The following TOM1L2 variants were observed in gnomAD, a reference collection of about 807,000 sequenced individuals.
The protein encoded by TOM1L2 is TOM1-like protein 2.
In TOM1L2, 31 loss-of-function variants were observed where a neutral mutation model predicts 67.9. That is an observed-to-expected ratio of 0.46 (90% CI 0.34 to 0.62). The LOEUF (loss-of-function observed/expected upper bound fraction) is 0.62. Ranked by LOEUF, TOM1L2 falls within the 20% of genes least tolerant of loss-of-function variation. The probability of loss-of-function intolerance (pLI) is 0.01; values close to 1 mark genes in which losing one functional copy is unlikely to be tolerated. For synonymous variants in TOM1L2, 256 were observed against 254.0 expected (o/e 1.01, Z -0.07); for missense variants, 606 against 663.5 (o/e 0.91, Z 0.95).
intron 1 of TOM1L2, among the ~76,000 whole-genome samples, chr17:17,943,110 T>C (rs776443471): frequency 2.0e-5 from 3 of 152,172 alleles, no homozygotes; most frequent in Non-Finnish European, 2.9e-5. Flanking sequence ...CATTACACTG[T>C]TCTCCCAATT....
chr17:17,889,495 T>C (rs897860724), intron 4 of TOM1L2, among the ~76,000 whole-genome samples: 4 of 152,164 alleles, frequency 2.6e-5, no homozygotes, highest in Non-Finnish European at 5.9e-5. Flanking sequence ...GCTGCAGCTC[T>C]GCTTCCACCA....
At chr17:17,885,607 G>A (rs545099314) in intron 4 of TOM1L2, among the ~76,000 whole-genome samples, 1 of 152,146 alleles carries the variant, frequency 6.6e-6, no homozygotes, top group South Asian at 2.1e-4. Context: ...CATTTCTGTT[G>A]ACTCATGAAA....
chr17:17,972,122 G>T, intron 1 of TOM1L2, 140 bp downstream of exon 1: 1 of 1,058,502 alleles, frequency 9.4e-7, no homozygotes, highest in Non-Finnish European at 1.3e-6. Flanking sequence ...TGCCCAGCCC[G>T]CTCGTGGAGT....
At chr17:17,862,962 G>T in intron 10 of TOM1L2, 114 bp from the exon 11 acceptor site, 1 of 650,570 alleles carries the variant, frequency 1.5e-6, no homozygotes, top group Non-Finnish European at 2.7e-6. Context: ...CATGGGGAGG[G>T]TGGGGCGGGA....
intron 1 of TOM1L2, among the ~76,000 whole-genome samples, chr17:17,914,905 A>G (rs916787924): frequency 6.6e-5 from 10 of 152,230 alleles, no homozygotes; most frequent in African/African-American, 2.2e-4. Flanking sequence ...AAGAGCAGTA[A>G]ATAAAACAAT....
chr17:17,881,279 C>A (rs750938085), intron 6 of TOM1L2, among the ~76,000 whole-genome samples: 8 of 152,108 alleles, frequency 5.3e-5, no homozygotes, highest in Non-Finnish European at 8.8e-5. Context: ...GGGCAGCCAC[C>A]CAGTAGACTC....
chr17:17,957,836 T>C (rs946470160), intron 1 of TOM1L2, among the ~76,000 whole-genome samples: 7 of 151,932 alleles, frequency 4.6e-5, no homozygotes, highest in African/African-American at 1.4e-4. Context: ...GCGTGGTGGC[T>C]CACGACTGTA....
chr17:17,953,900 G>A (rs962777267), intron 1 of TOM1L2, among the ~76,000 whole-genome samples: 1 of 152,238 alleles, frequency 6.6e-6, no homozygotes, highest in African/African-American at 2.4e-5. Flanking sequence ...CTTCTTCCAA[G>A]TCACACAAGG....
intron 1 of TOM1L2, among the ~76,000 whole-genome samples, chr17:17,928,071 A>G (rs2040169565): frequency 6.6e-6 from 1 of 152,216 alleles, no homozygotes; most frequent in Admixed American, 6.5e-5. Flanking sequence ...CCATGAATTG[A>G]TAATTGTAGA....
intron 1 of TOM1L2, among the ~76,000 whole-genome samples, chr17:17,944,264 AGGATGCTGAGCAAAG>A (rs958894366): frequency 2.0e-4 from 30 of 152,388 alleles, no homozygotes; most frequent in Non-Finnish European, 3.4e-4. Flanking sequence ...TGAGGACGGC[AGGATGCTGAGCAAAG>A]GGATGCTGAG....
chr17:17,944,331 C>T (rs1240197754), intron 1 of TOM1L2, among the ~76,000 whole-genome samples: 5 of 152,216 alleles, frequency 3.3e-5, no homozygotes, highest in East Asian at 3.8e-4. Context: ...AGCCTTGCTG[C>T]GGTGCCCTTC....
chr17:17,947,634 C>G (rs187247880), intron 1 of TOM1L2, among the ~76,000 whole-genome samples: 139 of 152,294 alleles, frequency 9.1e-4, no homozygotes, highest in African/African-American at 3.1e-3. Flanking sequence ...TCGGTTAAGC[C>G]TTCCAGTCTG....
At chr17:17,951,985 T>G (rs574132087) in intron 1 of TOM1L2, among the ~76,000 whole-genome samples, 1 of 152,182 alleles carries the variant, frequency 6.6e-6, no homozygotes, top group African/African-American at 2.4e-5. Flanking sequence ...AATACTCTTA[T>G]AGTCTGACAT....
At chr17:17,935,378 G>A (rs928276674) in intron 1 of TOM1L2, among the ~76,000 whole-genome samples, 2 of 152,224 alleles carry the variant, frequency 1.3e-5, no homozygotes, top group Non-Finnish European at 2.9e-5. Flanking sequence ...GATGCCCCCA[G>A]TTGTTAAGAA....
chr17:17,905,859 T>C (rs953131862), intron 2 of TOM1L2, among the ~76,000 whole-genome samples: 2 of 152,178 alleles, frequency 1.3e-5, no homozygotes, highest in Non-Finnish European at 2.9e-5. Flanking sequence ...TGGTTCTACA[T>C]GGCCCTGTGT....
chr17:17,964,056 G>C (rs541775525), intron 1 of TOM1L2, among the ~76,000 whole-genome samples: 4 of 152,340 alleles, frequency 2.6e-5, no homozygotes, highest in African/African-American at 9.6e-5. Flanking sequence ...AAGGCTGCCT[G>C]TAGGAAGAGG....
At chr17:17,951,277 C>T (rs993121365) in intron 1 of TOM1L2, among the ~76,000 whole-genome samples, 2 of 152,176 alleles carry the variant, frequency 1.3e-5, no homozygotes, top group African/African-American at 2.4e-5. Flanking sequence ...ATCTGAGATC[C>T]AGTCTCTGAG....
Position 17,844,922 on chromosome 17 carries a change from G to A in TOM1L2, c.*2713C>T, listed in dbSNP as rs921270725. Reference sequence around the variant, plus strand: ...AATTTAGTGTAATTAAGTATATACTGTATCTGTGATTTCTAACACTCACGG... The same window carrying A: ...AATTTAGTGTAATTAAGTATATACTATATCTGTGATTTCTAACACTCACGG... On this transcript the variant is annotated 3_prime_UTR_variant, in exon 15 of 15. Coordinates refer to ENST00000379504, the MANE Select transcript of TOM1L2 (RefSeq NM_001082968.2). 3 of 152,462 alleles carry A rather than the reference G, an allele frequency of 2.0e-5. No individual in the cohort carries two copies. Among genetic ancestry groups the A allele is most frequent in the Non-Finnish European group, 4.4e-5 (3 of 68,054 alleles). The allele number at this position is 152,462 out of a possible 1,614,324, so 9.4% of individuals were successfully genotyped here.
intron 4 of TOM1L2, among the ~76,000 whole-genome samples, chr17:17,889,528 A>G (rs1279208397): frequency 1.3e-5 from 2 of 152,172 alleles, no homozygotes; most frequent in Non-Finnish European, 2.9e-5. Context: ...CCAAAGGGGC[A>G]GTGGGCTTTG....
Sources: gnomAD v4.1 joint callset for allele counts (sites outside exome capture counted in the v4.1 genomes callset) on GRCh38, gnomAD v4.1.1 for gene constraint, MANE v1.5 for transcripts, NCBI Gene and HGNC (gene_info 2026-07-23, HGNC 2026-07-21) for gene names.